Variants in DLGAP2 observed in about 807,000 individuals in gnomAD.
DLGAP2 encodes the protein DLG associated protein 2.
In DLGAP2, 26 loss-of-function variants were observed where a neutral mutation model predicts 100.3. The observed-to-expected ratio is 0.26, with a 90% CI of 0.19 to 0.36. The LOEUF (loss-of-function observed/expected upper bound fraction) is 0.36. Among genes scored for constraint, DLGAP2 ranks in the 10% least tolerant of loss-of-function variants. DLGAP2 has a pLI of 1.00. For missense variants in DLGAP2, 1,858 were observed against 1,453.2 expected, an observed-to-expected ratio of 1.28 and a Z score of -4.53; for synonymous variants, 886 against 630.1, an observed-to-expected ratio of 1.41 and a Z score of -6.08.
intron 2 of DLGAP2, among the ~76,000 whole-genome samples, chr8:1,007,038 T>A (rs1471455892): frequency 6.6e-6 from 1 of 152,140 alleles, no homozygotes; most frequent in African/African-American, 2.4e-5. Flanking sequence ...CGGGATGTGG[T>A]CCTTTATCAC....
At chr8:1,695,068 G>A (rs558554434) in intron 13 of DLGAP2, among the ~76,000 whole-genome samples, 1 of 152,342 alleles carries the variant, frequency 6.6e-6, no homozygotes, top group South Asian at 2.1e-4. Context: ...GGCGATGCCT[G>A]CTCTCAGGCA....
chr8:743,438 AT>A (rs1181385624), intron 1 of DLGAP2, among the ~76,000 whole-genome samples: 1 of 152,198 alleles, frequency 6.6e-6, no homozygotes, highest in Non-Finnish European at 1.5e-5. Context: ...GTTGTGTAAT[AT>A]ATAACAGTTA....
At chr8:1,623,477 C>T (rs1192763719) in intron 6 of DLGAP2, among the ~76,000 whole-genome samples, 1 of 151,948 alleles carries the variant, frequency 6.6e-6, no homozygotes, top group Non-Finnish European at 1.5e-5. Flanking sequence ...TGACCTGACA[C>T]CAGTGCACGA....
At chr8:1,112,237 A>ATTT (rs4044488) in intron 2 of DLGAP2, among the ~76,000 whole-genome samples, 31,638 of 97,856 alleles carry the variant, frequency 0.32, 5,954 homozygotes, top group Non-Finnish European at 0.4. Flanking sequence ...TCCTTTGCCC[A>ATTT]TTTTTTTTTT....
At chr8:1,527,578 GT>G (rs1399253772) in intron 4 of DLGAP2, among the ~76,000 whole-genome samples, 1 of 152,248 alleles carries the variant, frequency 6.6e-6, no homozygotes, top group Non-Finnish European at 1.5e-5. Context: ...ATTTCTGAGA[GT>G]GAGAAAAGTT....
intron 2 of DLGAP2, among the ~76,000 whole-genome samples, chr8:915,510 G>A (rs1381080888): frequency 1.3e-5 from 2 of 151,624 alleles, no homozygotes; most frequent in South Asian, 2.1e-4. Flanking sequence ...TCGCACCACT[G>A]CACTCCAGCC....
At chr8:1,372,186 TG>T (rs1027597361) in intron 3 of DLGAP2, among the ~76,000 whole-genome samples, 15 of 152,004 alleles carry the variant, frequency 9.9e-5, no homozygotes, top group African/African-American at 3.6e-4. Context: ...GCGCCAACGC[TG>T]GGGCGCAGGT....
intron 3 of DLGAP2, among the ~76,000 whole-genome samples, chr8:1,391,866 G>A (rs1178734295): frequency 6.6e-6 from 1 of 152,242 alleles, no homozygotes; most frequent in Non-Finnish European, 1.5e-5. Flanking sequence ...CCGAGTATGT[G>A]TCTTCCCCTC....
intron 2 of DLGAP2, among the ~76,000 whole-genome samples, chr8:993,779 CTGAT>C (rs1471828703): frequency 7.6e-6 from 1 of 130,924 alleles, no homozygotes; most frequent in Admixed American, 8.0e-5. Context: ...TGCAAGCAAA[CTGAT>C]TGGCTTTTTT....
intron 2 of DLGAP2, among the ~76,000 whole-genome samples, chr8:1,256,072 A>C (rs33999266): frequency 1.4e-5 from 1 of 72,948 alleles, no homozygotes; most frequent in African/African-American, 7.4e-5. Context: ...CCTGGGTGCT[A>C]TGTGTGTGTC....
chr8:1,434,329 G>C (rs1180492761), intron 3 of DLGAP2, among the ~76,000 whole-genome samples: 1 of 152,166 alleles, frequency 6.6e-6, no homozygotes. Context: ...GACACCAGGT[G>C]GAAGAGCCAT....
chr8:1,535,392 TGCG>T (rs1801123239), intron 4 of DLGAP2, among the ~76,000 whole-genome samples: 1 of 152,172 alleles, frequency 6.6e-6, no homozygotes, highest in African/African-American at 2.4e-5. Context: ...AAACATGAAA[TGCG>T]CTTGCCTGGC....
At chr8:1,251,317 G>A (rs1385811229) in intron 2 of DLGAP2, among the ~76,000 whole-genome samples, 1 of 152,180 alleles carries the variant, frequency 6.6e-6, no homozygotes, top group Non-Finnish European at 1.5e-5. Flanking sequence ...TATTAAGTCA[G>A]TATTAAAGAG....
At chr8:1,220,540 G>C (rs1798295763) in intron 2 of DLGAP2, among the ~76,000 whole-genome samples, 1 of 152,130 alleles carries the variant, frequency 6.6e-6, no homozygotes, top group South Asian at 2.1e-4. Flanking sequence ...ATCAATCTTG[G>C]AATATGTGCC....
At chr8:833,916 G>GA (rs912747602) in intron 1 of DLGAP2, among the ~76,000 whole-genome samples, 8 of 152,068 alleles carry the variant, frequency 5.3e-5, no homozygotes, top group African/African-American at 1.9e-4. Context: ...TGGTAAAAAA[G>GA]AAAAAAATTA....
intron 2 of DLGAP2, among the ~76,000 whole-genome samples, chr8:920,643 C>G (rs575978282): frequency 6.6e-5 from 10 of 152,104 alleles, no homozygotes; most frequent in African/African-American, 2.4e-4. Context: ...CCTAGCTACT[C>G]AGGAGGCTGA....
chr8:1,253,099 G>A (rs1325403636), intron 2 of DLGAP2, among the ~76,000 whole-genome samples: 1 of 152,182 alleles, frequency 6.6e-6, no homozygotes, highest in Non-Finnish European at 1.5e-5. Flanking sequence ...GTCCCCGCGT[G>A]GCTTCCTGTA....
At chr8:1,459,617 C>G (rs986303360) in intron 3 of DLGAP2, among the ~76,000 whole-genome samples, 1 of 151,598 alleles carries the variant, frequency 6.6e-6, no homozygotes, top group African/African-American at 2.4e-5. Context: ...GGGAGCAGGC[C>G]TAGAGCACTC....
chr8:1,506,550 G>A (rs1277257670), intron 4 of DLGAP2, among the ~76,000 whole-genome samples: 1 of 152,218 alleles, frequency 6.6e-6, no homozygotes, highest in African/African-American at 2.4e-5. Context: ...GCAACAGCAA[G>A]ATTTAGTGCA....
Sources: gnomAD v4.1 joint callset for allele counts (sites outside exome capture counted in the v4.1 genomes callset) on GRCh38, gnomAD v4.1.1 for gene constraint, MANE v1.5 for transcripts, NCBI Gene and HGNC (gene_info 2026-07-23, HGNC 2026-07-21) for gene names.